The following UNC13C variants were observed in gnomAD, a reference collection of about 807,000 sequenced individuals.
UNC13C encodes protein unc-13 homolog C.
UNC13C carries 174 observed loss-of-function variants against 245.4 expected under a neutral mutation model. The ratio of observed to expected loss-of-function variants is 0.71; its 90% CI spans 0.63 to 0.80. UNC13C has a LOEUF of 0.80. Among genes scored for constraint, UNC13C ranks in the 30% least tolerant of loss-of-function variants. UNC13C has a pLI of 0.00. For synonymous variants in UNC13C, 992 were observed against 895.1 expected, an observed-to-expected ratio of 1.11 and a Z score of -1.93; for missense variants, 2,829 against 2,602.9, an observed-to-expected ratio of 1.09 and a Z score of -1.89.
intron 2 of UNC13C, among the ~76,000 whole-genome samples, chr15:54,130,539 G>A (rs2031350243): frequency 6.6e-6 from 1 of 151,922 alleles, no homozygotes; most frequent in African/African-American, 2.4e-5. Context: ...TGATCCACCC[G>A]CCTCGGCCTC....
At chr15:53,877,188 T>C in the UNC13C span, among the ~76,000 whole-genome samples, 1 of 152,162 alleles carries the variant, frequency 6.6e-6, no homozygotes, top group Non-Finnish European at 1.5e-5. Flanking sequence ...AATAAGTTAC[T>C]TTAATATAAT....
chr15:53,901,084 T>G, the UNC13C span, among the ~76,000 whole-genome samples: 11 of 152,138 alleles, frequency 7.2e-5, no homozygotes, highest in East Asian at 1.9e-3. Context: ...CACATGATTT[T>G]TATTCATTTT....
intron 30 of UNC13C, among the ~76,000 whole-genome samples, chr15:54,582,898 A>G (rs1377225492): frequency 6.6e-6 from 1 of 152,200 alleles, no homozygotes; most frequent in Non-Finnish European, 1.5e-5. Flanking sequence ...GGCCATTTAT[A>G]TTACTTAAGT....
the UNC13C span, among the ~76,000 whole-genome samples, chr15:53,910,237 C>T: frequency 1.4e-4 from 20 of 145,646 alleles, 1 homozygote; most frequent in African/African-American, 3.7e-4. Context: ...CTTCTTGCTA[C>T]ATCCATGTTG....
intron 2 of UNC13C, among the ~76,000 whole-genome samples, chr15:54,032,858 A>G (rs1896418371): frequency 6.6e-6 from 1 of 152,222 alleles, no homozygotes; most frequent in African/African-American, 2.4e-5. Flanking sequence ...ATTGGAGACA[A>G]TTATTCTAAG....
intron 1 of UNC13C, among the ~76,000 whole-genome samples, chr15:54,000,352 C>T (rs758524046): frequency 3.3e-5 from 5 of 152,200 alleles, no homozygotes; most frequent in Non-Finnish European, 7.4e-5. Context: ...ATGACACCTC[C>T]CTCCATGGCT....
chr15:54,117,704 C>G (rs1222607618), intron 2 of UNC13C, among the ~76,000 whole-genome samples: 1 of 152,124 alleles, frequency 6.6e-6, no homozygotes, highest in Non-Finnish European at 1.5e-5. Flanking sequence ...CCTCTGCCTC[C>G]TGAGTACTTG....
In UNC13C at chr15:54,488,006, T is replaced by G. The variant is rs1049084723; in HGVS notation, c.4934-6602T>G. On this transcript the variant is annotated intron_variant, in intron 19 of 32. Transcript: ENST00000260323. ...TGGCAGCCAGGATTTTGATGATTTC[T>G]TGCCTCCAAAGATATCCCAACATTA... Among the ~76,000 whole-genome samples the G allele has an allele frequency of 4.9e-3, 646 of 130,616 alleles. 5 individuals carry two copies. Among genetic ancestry groups the G allele is most frequent in the African/African-American group, 0.019 (618 of 33,148 alleles). The allele number at this position is 130,616 out of a possible 152,430, so 85.7% of individuals were successfully genotyped here. A position where few individuals can be genotyped will look rare whatever the true frequency, so the allele number is the denominator to read the frequency against.
intron 19 of UNC13C, among the ~76,000 whole-genome samples, chr15:54,481,994 G>A (rs951228041): frequency 6.6e-6 from 1 of 152,190 alleles, no homozygotes; most frequent in Non-Finnish European, 1.5e-5. Flanking sequence ...CCTGTGAGGG[G>A]CAGGGTTGCT....
chr15:54,304,553 A>G (rs763585946), intron 13 of UNC13C, among the ~76,000 whole-genome samples: 2 of 151,536 alleles, frequency 1.3e-5, no homozygotes, highest in Non-Finnish European at 1.5e-5. Flanking sequence ...CAGATTCCAA[A>G]TGACCTAAAC....
chr15:54,071,636 T>C (rs1898332601), intron 2 of UNC13C, among the ~76,000 whole-genome samples: 1 of 151,820 alleles, frequency 6.6e-6, no homozygotes, highest in African/African-American at 2.4e-5. Flanking sequence ...AAGATAAGAA[T>C]GGTTCTTATA....
At chr15:54,622,757 C>T (rs1420135015) in intron 31 of UNC13C, among the ~76,000 whole-genome samples, 1 of 152,086 alleles carries the variant, frequency 6.6e-6, no homozygotes, top group East Asian at 1.9e-4. Flanking sequence ...AAACCTACTG[C>T]TTTTTCTATA....
chr15:54,530,496 T>C (rs1895687303), intron 25 of UNC13C, among the ~76,000 whole-genome samples: 1 of 152,092 alleles, frequency 6.6e-6, no homozygotes, highest in Non-Finnish European at 1.5e-5. Context: ...GCTTACATTA[T>C]AGGGAGGGAA....
intron 17 of UNC13C, among the ~76,000 whole-genome samples, chr15:54,371,450 T>G (rs1456900076): frequency 6.6e-6 from 1 of 152,168 alleles, no homozygotes; most frequent in Non-Finnish European, 1.5e-5. Flanking sequence ...GTTTCCAAGT[T>G]GAATAAAGCG....
In UNC13C at chr15:54,062,323, C is replaced by CAA. The variant is rs539952952; in HGVS notation, c.2983+46454_2983+46455dup. Among the ~76,000 whole-genome samples the CAA allele has an allele frequency of 1.8e-3, 206 of 114,378 alleles. 5 individuals are homozygous for CAA. The South Asian group carries it at 0.038, about 21-fold the overall frequency. 75.0% of individuals were successfully genotyped at this position (114,378 alleles called of 152,430 possible). A position where few individuals can be genotyped will look rare whatever the true frequency, so the allele number is the denominator to read the frequency against. On this transcript the variant is annotated intron_variant, in intron 2 of 32. Transcript: ENST00000260323. The stretch of plus-strand genomic sequence containing the variant: ...GGATAACAAGAGTGAAACTCAGTCT[C>CAA]AAAAAAAAAAAAAAAAAATCTCCAT...
downstream of UNC13C, chr15:54,633,081 C>G (rs1467331082): frequency 2.0e-5 from 3 of 152,168 alleles, no homozygotes; most frequent in Non-Finnish European, 4.4e-5. Context: ...AGGGGAATCA[C>G]TTGAACCCAG....
Position 54,015,466 on chromosome 15 carries a change from G to T in UNC13C, c.2563G>T (p.Glu855Ter). The change falls in exon 2 of 33, where the codon GAG (glutamate) becomes TAG (stop). Residue 855 changes from glutamate (E) to a stop codon, truncating the protein, a stop_gained. Coordinates refer to ENST00000260323, the MANE Select transcript of UNC13C (RefSeq NM_001080534.3). LOFTEE classifies it high-confidence loss of function. ...STTLDSDVYT[E>*]PYYYKAEDEE... is the part of the protein sequence containing the mutation. ...CACACTTGACTCTGATGTCTACACG[G>T]AGCCCTATTACTATAAAGCAGAGGA... The T allele has an allele frequency of 1.2e-6, 2 of 1,613,518 alleles. No individual in the cohort carries two copies. Among genetic ancestry groups the T allele is most frequent in the Non-Finnish European group, 1.7e-6 (2 of 1,179,724 alleles).
At chr15:54,311,007 CA>C (rs2037857768) in intron 13 of UNC13C, among the ~76,000 whole-genome samples, 1 of 151,674 alleles carries the variant, frequency 6.6e-6, no homozygotes, top group Non-Finnish European at 1.5e-5. Flanking sequence ...CATGAAAAGG[CA>C]AGTTCAACAT....
At chr15:54,187,736 A>G (rs2034042419) in intron 4 of UNC13C, among the ~76,000 whole-genome samples, 1 of 152,080 alleles carries the variant, frequency 6.6e-6, no homozygotes, top group African/African-American at 2.4e-5. Context: ...ACCTTTTAAT[A>G]CTTTGATTAA....
Sources: gnomAD v4.1 joint callset for allele counts (sites outside exome capture counted in the v4.1 genomes callset) on GRCh38, gnomAD v4.1.1 for gene constraint, MANE v1.5 for transcripts, NCBI Gene and HGNC (gene_info 2026-07-23, HGNC 2026-07-21) for gene names.